The following DQX1 variants were observed in gnomAD, a reference collection of about 807,000 sequenced individuals.
DQX1 encodes ATP-dependent RNA helicase homolog DQX1.
DQX1 carries 66 observed loss-of-function variants against 81.3 expected under a neutral mutation model. The ratio of observed to expected loss-of-function variants is 0.81; its 90% CI spans 0.67 to 1.00. The LOEUF (loss-of-function observed/expected upper bound fraction) is 1.00. Ranked by LOEUF, DQX1 falls within the 50% of genes least tolerant of loss-of-function variation. The probability of loss-of-function intolerance (pLI) is 0.00; values close to 1 mark genes in which losing one functional copy is unlikely to be tolerated. For synonymous variants in DQX1, 290 were observed against 350.0 expected, an observed-to-expected ratio of 0.83 and a Z score of 1.91; for missense variants, 798 against 867.9, an observed-to-expected ratio of 0.92 and a Z score of 1.01.
chr2:74,518,966 C>G lies in DQX1; in HGVS notation c.1997+74G>C. On this transcript the variant is annotated intron_variant, in intron 11 of 11. Coordinates refer to ENST00000404568, the MANE Select transcript of DQX1 (RefSeq NM_133637.3). ...ACCACTAAGATCCCTTCCTCTGTCT[C>G]TCTAACTCCCCAGCCATAATTTTGG... 5.0e-6 allele frequency: 7 copies of G among 1,403,034 alleles called. No individual in the cohort carries two copies. In the South Asian group the frequency reaches 5.9e-5, roughly 12 times the overall value. The allele number at this position is 1,403,034 out of a possible 1,614,324, so 86.9% of individuals were successfully genotyped here. A position where few individuals can be genotyped will look rare whatever the true frequency, so the allele number is the denominator to read the frequency against.
At chr2:74,523,883 A>C in intron 4 of DQX1, 40 bp downstream of exon 4, 1 of 1,490,900 alleles carries the variant, frequency 6.7e-7, no homozygotes, top group Admixed American at 2.4e-5. Context: ...TTGCAGGCTC[A>C]TTTTGCAGGC....
chr2:74,524,211 C>T lies in DQX1; in HGVS notation c.528G>A (p.Ser176=), dbSNP rs534145423. The change falls in exon 4 of 12, where the codon TCG becomes TCA. Residue 176 remains serine, a synonymous_variant. Transcript: ENST00000404568. ...GCCCCTGGAGTGAATCTGATGCCAC[C>T]GACCGCTCCTGAGCCTCATCTAGTA... is the stretch of plus-strand genomic sequence containing the variant. ...VLVLDEAQER[S]VASDSLQGLL... The T allele has an allele frequency of 2.5e-5, 41 of 1,614,054 alleles. No individual in the cohort carries two copies. The highest frequency in any genetic ancestry group is 2.5e-4 in the South Asian group (23 of 91,070).
chr2:74,524,330 G>A, intron 3 of DQX1, 23 bp from the exon 4 acceptor site: 1 of 1,598,482 alleles, frequency 6.3e-7, no homozygotes, highest in Non-Finnish European at 8.5e-7. Flanking sequence ...GTAGTGGGCA[G>A]AGGAATCAGT....
At position 74,524,039 on chromosome 2, in the gene DQX1, G is replaced by C. The variant is rs567579279; in HGVS notation, c.700C>G (p.Pro234Ala). ...IPREPGERPS[P>A]IYWDTIPPDR... ...GGTGGGATGGTGTCCCAGTAGATGG[G>C]GGAAGGTCTCTCACCAGGCTCTCTG... The change falls in exon 4 of 12, where the codon CCC becomes GCC. Residue 234 changes from proline (P) to alanine (A), a missense_variant. Physicochemically the swap from Pro to Ala is conservative, Grantham distance 27. Coordinates refer to ENST00000404568, the MANE Select transcript of DQX1 (RefSeq NM_133637.3). The C allele has an allele frequency of 1.9e-6, 3 of 1,614,186 alleles. No homozygotes were observed. The African/African-American group carries it at 4.0e-5, about 22-fold the overall frequency.
Position 74,518,233 on chromosome 2 carries a change from A to G in DQX1, c.*213T>C, listed in dbSNP as rs759180284. 1.9e-6 allele frequency: 1 copy of G among 522,686 alleles called. No individual in the cohort carries two copies. Among genetic ancestry groups the G allele is most frequent in the Non-Finnish European group, 3.3e-6 (1 of 303,692 alleles). The allele number at this position is 522,686 out of a possible 1,614,324, so 32.4% of individuals were successfully genotyped here. On this transcript the variant is annotated 3_prime_UTR_variant, in exon 12 of 12. Coordinates refer to ENST00000404568, the MANE Select transcript of DQX1 (RefSeq NM_133637.3). The stretch of plus-strand genomic sequence containing the variant: ...CATGTCAGTCCCTCTCCAATCAATA[A>G]GAGAAGGCTAAGGAAAGAGTCCTTC...
chr2:74,522,353 T>C (rs1283076005), intron 8 of DQX1, among the ~76,000 whole-genome samples: 2 of 152,114 alleles, frequency 1.3e-5, no homozygotes, highest in Non-Finnish European at 2.9e-5. Flanking sequence ...GTGTGAGTTT[T>C]AGCAATAACA....
At position 74,525,540 on chromosome 2, in the gene DQX1, C is replaced by T. The variant is rs372000395; in HGVS notation, c.190G>A (p.Gly64Arg). Residue 64 changes from glycine (G) to arginine (R), a missense_variant, in exon 2 of 12, where the codon GGA (glycine) becomes AGA (arginine). Physicochemically the swap from Gly to Arg is moderately radical, Grantham distance 125. Transcript: ENST00000404568. The surrounding 1 kb of genome is among the most constrained non-coding windows in gnomAD (Gnocchi z 4.1). ...FLEQLESNPT[G>R]VVLVSGEPGS... ...GGCTCCCCAGACACCAGCACCACTC[C>T]AGTGGGGTTACTCTCCAACTGCTCC... 1.3e-5 allele frequency: 20 copies of T among 1,552,158 alleles called. No individual in the cohort carries two copies. In the African/African-American group the frequency reaches 2.7e-4, roughly 21 times the overall value.
rs1442788043 is a variant in DQX1, at chr2:74,525,630, G to A, written c.100C>T (p.Arg34Cys). 30 of 1,551,662 alleles carry A rather than the reference G, an allele frequency of 1.9e-5. No individual in the cohort carries two copies. Among genetic ancestry groups the A allele is most frequent in the South Asian group, 2.4e-5 (2 of 84,070 alleles). ...CGCTGCTTCAGCAGCTCATAGTAGC[G>A]GGAAGAGAAGGGAAGCCCATCAAAG... is the stretch of plus-strand genomic sequence containing the variant. ...NPFDGLPFSSRYYELLKQRQA... is the reference protein window; with the variant it reads ...NPFDGLPFSSCYYELLKQRQA... The change falls in exon 2 of 12, where the codon CGC becomes TGC. Residue 34 changes from arginine to cysteine, a missense_variant. By Grantham distance (180) the Arg-to-Cys change is radical. Coordinates refer to ENST00000404568, the MANE Select transcript of DQX1 (RefSeq NM_133637.3). The surrounding 1 kb of genome is among the most constrained non-coding windows in gnomAD (Gnocchi z 4.1).
At chr2:74,521,674 AAAAG>A (rs1675027007) in intron 8 of DQX1, among the ~76,000 whole-genome samples, 1 of 151,186 alleles carries the variant, frequency 6.6e-6, no homozygotes, top group African/African-American at 2.4e-5. Context: ...GAAAAAGAAA[AAAAG>A]AAACGTTCAT....
rs1457677890 is a variant in DQX1, at chr2:74,519,672, C to A, written c.1690G>T (p.Gly564Ter). 1.2e-6 allele frequency: 2 copies of A among 1,614,168 alleles called. No individual in the cohort carries two copies. The highest frequency in any genetic ancestry group is 1.7e-6 in the Non-Finnish European group (2 of 1,180,028). ...AALCQAHKLR[G>*]ELLELMQRIE... ...CGTTGCATGAGTTCTAGGAGTTCTC[C>A]CCGAAGTTTATGGGCTTGGCACAAT... The change falls in exon 10 of 12, where the codon GGA becomes TGA. Residue 564 changes from glycine (G) to a stop codon, truncating the protein, a stop_gained. Transcript: ENST00000404568. LOFTEE classifies it high-confidence loss of function.
chr2:74,518,135 C>T lies in DQX1; in HGVS notation c.*311G>A, dbSNP rs1027627353. 3.7e-5 allele frequency: 10 copies of T among 267,668 alleles called. No homozygotes were observed. Among genetic ancestry groups the T allele is most frequent in the African/African-American group, 2.2e-4 (10 of 45,790 alleles). 16.6% of individuals were successfully genotyped at this position (267,668 alleles called of 1,614,324 possible). On this transcript the variant is annotated 3_prime_UTR_variant, in exon 12 of 12. Coordinates refer to ENST00000404568, the MANE Select transcript of DQX1 (RefSeq NM_133637.3). ...ACTGCAGGACCAAACTAAAACTTGG[C>T]ATCATAGAAAAATCTTTTATAGATC...
rs1675148625 is a variant in DQX1, at chr2:74,525,428, G to T, written c.237+65C>A. 1.3e-6 allele frequency: 2 copies of T among 1,487,864 alleles called. No homozygotes were observed. Among genetic ancestry groups the T allele is most frequent in the South Asian group, 1.3e-5 (1 of 79,690 alleles). The allele number at this position is 1,487,864 out of a possible 1,614,324, so 92.2% of individuals were successfully genotyped here. On this transcript the variant is annotated intron_variant, in intron 2 of 11. Coordinates refer to ENST00000404568, the MANE Select transcript of DQX1 (RefSeq NM_133637.3). The surrounding 1 kb of genome is among the most constrained non-coding windows in gnomAD (Gnocchi z 4.1). ...CCCAGGGAAAGGCCACTTTCCCTTT[G>T]TCCTCCCTTTGTCCTCCCTTTGTCC...
Position 74,518,462 on chromosome 2 carries a change from G to A in DQX1, c.2138C>T (p.Pro713Leu). The change falls in exon 12 of 12, where the codon CCC becomes CTC. Residue 713 changes from proline to leucine, a missense_variant. Pro to Leu is a moderately conservative substitution (Grantham distance 98). Coordinates refer to ENST00000404568, the MANE Select transcript of DQX1 (RefSeq NM_133637.3). The part of the protein sequence containing the change: ...KSSSAQEFRD[P>L]CVLQ The stretch of plus-strand genomic sequence containing the variant: ...GCAGGCAGGTCACTGCAGGACACAG[G>A]GATCTCTGAACTCCTGGGCTGAGGA... The A allele has an allele frequency of 6.2e-7, 1 of 1,614,188 alleles. No homozygotes were observed. Among genetic ancestry groups the A allele is most frequent in the Non-Finnish European group, 8.5e-7 (1 of 1,180,026 alleles).
chr2:74,518,310 C>T lies in DQX1; in HGVS notation c.*136G>A. The stretch of plus-strand genomic sequence containing the variant: ...TCTTTCCATTCCCAGTCTACCATTT[C>T]TTGGGACTCAGGTTCCAGGGTTTAC... On this transcript the variant is annotated 3_prime_UTR_variant, in exon 12 of 12. Transcript: ENST00000404568. The T allele has an allele frequency of 9.7e-7, 1 of 1,030,836 alleles. No individual in the cohort carries two copies. Among genetic ancestry groups the T allele is most frequent in the Non-Finnish European group, 1.4e-6 (1 of 714,330 alleles). 63.9% of individuals were successfully genotyped at this position (1,030,836 alleles called of 1,614,324 possible). A position where few individuals can be genotyped will look rare whatever the true frequency, so the allele number is the denominator to read the frequency against.
rs1675150686 is a variant in DQX1, at chr2:74,525,472, C to T, written c.237+21G>A. 2 of 1,548,820 alleles carry T rather than the reference C, an allele frequency of 1.3e-6. No homozygotes were observed. The highest frequency in any genetic ancestry group is 1.4e-5 in the African/African-American group (1 of 72,974). ...TTTGTCCACTCCCAGAATCTGCCTG[C>T]CCCCACAACCCCCACCACACCTGGG... On this transcript the variant is annotated intron_variant, in intron 2 of 11. Transcript: ENST00000404568. This position sits in a 1 kb window ranked among gnomAD's most constrained non-coding sequence, Gnocchi z 4.1.
chr2:74,519,251 T>C (rs200514489), intron 10 of DQX1, 21 bp from the exon 11 acceptor site: 21 of 1,536,498 alleles, frequency 1.4e-5, no homozygotes, highest in Non-Finnish European at 2.6e-6. Context: ...GGCAGAAATA[T>C]TGACGGAATA....
Position 74,525,685 on chromosome 2 carries a change from A to G in DQX1, c.45T>C (p.Ser15=). The G allele has an allele frequency of 1.3e-6, 2 of 1,551,728 alleles. No individual in the cohort carries two copies. Among genetic ancestry groups the G allele is most frequent in the Non-Finnish European group, 1.7e-6 (2 of 1,146,996 alleles). ...TCACAGCCAGTTCAGACTCCCCAGG[A>G]CTTGGGCCATACTCTTCTGCTAGCC... The part of the protein sequence containing the change: ...PLRLAEEYGP[S]PGESELAVNP... The change falls in exon 2 of 12, where the codon AGT becomes AGC. Residue 15 remains serine (S), a synonymous_variant. Coordinates refer to ENST00000404568, the MANE Select transcript of DQX1 (RefSeq NM_133637.3). The surrounding 1 kb of genome is among the most constrained non-coding windows in gnomAD (Gnocchi z 4.1).
chr2:74,518,642 C>T lies in DQX1; in HGVS notation c.1998-40G>A, dbSNP rs766088209. ...CATAATTAGATGATCTGCATCTTCT[C>T]TCTCTCTGTCTCTCTCTTTTTAGAG... On this transcript the variant is annotated intron_variant, in intron 11 of 11. Coordinates refer to ENST00000404568, the MANE Select transcript of DQX1 (RefSeq NM_133637.3). 4 of 1,581,474 alleles carry T rather than the reference C, an allele frequency of 2.5e-6. No homozygotes were observed. The East Asian group carries it at 9.0e-5, about 35-fold the overall frequency.
chr2:74,523,674 A>C (rs1046985528), intron 4 of DQX1, 137 bp from the exon 5 acceptor site: 4 of 997,912 alleles, frequency 4.0e-6, no homozygotes, highest in Non-Finnish European at 5.8e-6. Context: ...AAGGTTTTAT[A>C]ATTTCAGGGG....
Sources: allele counts gnomAD v4.1 joint callset (sites outside exome capture counted in the v4.1 genomes callset), GRCh38; gene constraint gnomAD v4.1.1; non-coding constraint Gnocchi (gnomAD v3.1); transcripts MANE v1.5; gene names NCBI Gene and HGNC (gene_info 2026-07-23, HGNC 2026-07-21).